GLG1: variants seen among roughly 807,000 people sequenced by gnomAD.
GLG1 encodes Golgi apparatus protein 1.
GLG1 carries 38 observed loss-of-function variants against 160.5 expected under a neutral mutation model. The observed-to-expected ratio is 0.24, with a 90% CI of 0.18 to 0.31. The LOEUF (loss-of-function observed/expected upper bound fraction) is 0.31, where lower values mean the gene tolerates loss of function less well. Among genes scored for constraint, GLG1 ranks in the 10% least tolerant of loss-of-function variants. GLG1 has a pLI of 1.00. For synonymous variants in GLG1, 644 were observed against 543.4 expected, an observed-to-expected ratio of 1.19 and a Z score of -2.57; for missense variants, 1,373 against 1,505.2, an observed-to-expected ratio of 0.91 and a Z score of 1.45.
At chr16:74,583,965 T>C (rs1957992353) in intron 1 of GLG1, among the ~76,000 whole-genome samples, 1 of 152,136 alleles carries the variant, frequency 6.6e-6, no homozygotes, top group African/African-American at 2.4e-5. Context: ...TGTAAATTTT[T>C]CCTAGGTAAG....
intron 2 of GLG1, among the ~76,000 whole-genome samples, chr16:74,509,419 G>A (rs2143494210): frequency 6.6e-6 from 1 of 152,130 alleles, no homozygotes; most frequent in South Asian, 2.1e-4. Context: ...GAACCAAAAA[G>A]TCTAATCCAG....
At chr16:74,594,469 T>G (rs1489945788) in intron 1 of GLG1, among the ~76,000 whole-genome samples, 1 of 152,200 alleles carries the variant, frequency 6.6e-6, no homozygotes, top group Admixed American at 6.5e-5. Context: ...AGTCATTGTT[T>G]TTAGATTCCA....
chr16:74,535,552 C>CA (rs2017665416), intron 1 of GLG1, among the ~76,000 whole-genome samples: 1 of 152,172 alleles, frequency 6.6e-6, no homozygotes, highest in Non-Finnish European at 1.5e-5. Context: ...CCTGCCTCAG[C>CA]CTCCCTAGTA....
intron 1 of GLG1, among the ~76,000 whole-genome samples, chr16:74,553,725 G>A (rs547147352): frequency 5.9e-5 from 9 of 152,080 alleles, no homozygotes; most frequent in Admixed American, 2.0e-4. Flanking sequence ...CACCCGCCTC[G>A]GCCTCCCAAA....
chr16:74,512,051 T>A (rs943830682), intron 2 of GLG1, among the ~76,000 whole-genome samples: 2 of 152,094 alleles, frequency 1.3e-5, no homozygotes, highest in African/African-American at 4.8e-5. Context: ...CATTGCCTAA[T>A]TATAGAACAT....
intron 3 of GLG1, among the ~76,000 whole-genome samples, chr16:74,508,313 C>CAAAA (rs35839355): frequency 1.9e-5 from 2 of 106,220 alleles, no homozygotes; most frequent in South Asian, 2.6e-4. Context: ...ATTATTGATT[C>CAAAA]AAAAAAAAAA....
At chr16:74,522,071 T>A (rs1330485760) in intron 2 of GLG1, among the ~76,000 whole-genome samples, 16 of 152,222 alleles carry the variant, frequency 1.1e-4, no homozygotes, top group Admixed American at 1.0e-3. Context: ...CCAATCAGGG[T>A]CATTTTAATT....
intron 2 of GLG1, among the ~76,000 whole-genome samples, chr16:74,525,071 T>C (rs1406558863): frequency 6.6e-6 from 1 of 152,222 alleles, no homozygotes; most frequent in Non-Finnish European, 1.5e-5. Flanking sequence ...TTGGGCTGTT[T>C]CCATTTTTGA....
At chr16:74,560,223 A>C (rs1247791227) in intron 1 of GLG1, among the ~76,000 whole-genome samples, 1 of 152,030 alleles carries the variant, frequency 6.6e-6, no homozygotes, top group Non-Finnish European at 1.5e-5. Flanking sequence ...CATCAGTTGA[A>C]GGTCTGAATA....
intron 1 of GLG1, among the ~76,000 whole-genome samples, chr16:74,533,319 T>C (rs553527036): frequency 6.6e-6 from 1 of 152,218 alleles, no homozygotes; most frequent in African/African-American, 2.4e-5. Flanking sequence ...AGACTCCGTC[T>C]CAAAAAACAA....
In GLG1 at chr16:74,462,204, G is replaced by C. The variant is rs202133418; in HGVS notation, c.2935-9C>G. 6.5e-5 allele frequency: 96 copies of C among 1,466,624 alleles called. 1 individual carries two copies. In the East Asian group the frequency reaches 2.2e-3, roughly 33 times the overall value. 90.9% of individuals were successfully genotyped at this position (1,466,624 alleles called of 1,614,324 possible). ...CAGTCTGAAGACAGGCGCTGCATGTGACAAAGGGAGGATACATGGGCTGAT... is the reference window on the plus strand; with the variant it reads ...CAGTCTGAAGACAGGCGCTGCATGTCACAAAGGGAGGATACATGGGCTGAT... On this transcript the variant is annotated splice_polypyrimidine_tract_variant and intron_variant, in intron 21 of 25. Transcript: ENST00000422840.
intron 2 of GLG1, among the ~76,000 whole-genome samples, chr16:74,510,514 A>G (rs1323540315): frequency 2.0e-5 from 3 of 152,236 alleles, no homozygotes; most frequent in Non-Finnish European, 4.4e-5. Flanking sequence ...TTGGTGAGAT[A>G]GAGCAGAGAC....
Position 74,480,317 on chromosome 16 carries a change from C to T in GLG1, c.1751G>A (p.Ser584Asn). The change falls in exon 11 of 26, where the codon AGT becomes AAT. Residue 584 changes from serine to asparagine, a missense_variant. Physicochemically the swap from Ser to Asn is conservative, Grantham distance 46 (BLOSUM62 1). Around this residue, in one of 4 missense-constraint regions of GLG1, gnomAD observed 386 missense variants for 388.5 expected, o/e 0.99. Transcript: ENST00000422840. ...LCHTHGWNET[S>N]EFMPQGAVFS... ...CACAGCTCCCTGAGGCATAAATTCACTGGTCTCATTCCAACCGTGGGTGTG... is the reference window on the plus strand; with the variant it reads ...CACAGCTCCCTGAGGCATAAATTCATTGGTCTCATTCCAACCGTGGGTGTG... The T allele has an allele frequency of 6.2e-7, 1 of 1,613,310 alleles. No homozygotes were observed. Among genetic ancestry groups the T allele is most frequent in the South Asian group, 1.1e-5 (1 of 91,068 alleles).
At position 74,503,612 on chromosome 16, in the gene GLG1, G is replaced by C; in HGVS notation, c.693C>G (p.Tyr231Ter). The change falls in exon 4 of 26, where the codon TAC becomes TAG. Residue 231 changes from tyrosine (Y) to a stop codon, truncating the protein, a stop_gained. Coordinates refer to ENST00000422840, the MANE Select transcript of GLG1 (RefSeq NM_001145667.2). LOFTEE classifies it high-confidence loss of function. ...TKMTAIIFSD[Y>*]RLICGFMDDC... is the part of the protein sequence containing the mutation. ...CATCCATGAAGCCACAGATTAAACG[G>C]TAATCACTAAAAATGATGGCCGTCA... 1 of 1,613,510 alleles carries C rather than the reference G, an allele frequency of 6.2e-7. No individual in the cohort carries two copies. The highest frequency in any genetic ancestry group is 8.5e-7 in the Non-Finnish European group (1 of 1,179,474).
intron 1 of GLG1, among the ~76,000 whole-genome samples, chr16:74,584,548 G>A (rs906526008): frequency 1.3e-5 from 2 of 152,110 alleles, no homozygotes; most frequent in Non-Finnish European, 2.9e-5. Context: ...GCTATGAAGA[G>A]GCAAAGGCAT....
intron 1 of GLG1, among the ~76,000 whole-genome samples, chr16:74,566,422 C>T (rs2018655983): frequency 6.6e-6 from 1 of 152,198 alleles, no homozygotes; most frequent in Non-Finnish European, 1.5e-5. Flanking sequence ...AGGGAGTAAC[C>T]CCCACATACC....
At position 74,452,084 on chromosome 16, in the gene GLG1, G is replaced by T. The variant is rs778823590; in HGVS notation, c.*1083C>A. On this transcript the variant is annotated 3_prime_UTR_variant, in exon 26 of 26. Coordinates refer to ENST00000422840, the MANE Select transcript of GLG1 (RefSeq NM_001145667.2). ...GGCTGGACTGCCTGTCACATCCTGA[G>T]ACCACACTAAACCTTTATAAGCCAT... 6.2e-7 allele frequency: 1 copy of T among 1,613,918 alleles called. No individual in the cohort carries two copies. The highest frequency in any genetic ancestry group is 8.5e-7 in the Non-Finnish European group (1 of 1,179,828).
At position 74,606,782 on chromosome 16, in the gene GLG1, C is replaced by T; in HGVS notation, c.313G>A (p.Gly105Arg). ...GGPPARRGGA[G>R]AGGGWKLAEE... The stretch of plus-strand genomic sequence containing the variant: ...GCCAGCTTCCAGCCCCCACCAGCCC[C>T]CGCTCCTCCCCGCCGGGCCGGAGGC... The change falls in exon 1 of 26, where the codon GGG (glycine) becomes AGG (arginine). Residue 105 changes from glycine to arginine, a missense_variant. Coordinates refer to ENST00000422840, the MANE Select transcript of GLG1 (RefSeq NM_001145667.2). 5 of 1,605,918 alleles carry T rather than the reference C, an allele frequency of 3.1e-6. No individual in the cohort carries two copies. Among genetic ancestry groups the T allele is most frequent in the Non-Finnish European group, 4.3e-6 (5 of 1,176,308 alleles).
intron 19 of GLG1, among the ~76,000 whole-genome samples, chr16:74,464,485 C>G (rs991329758): frequency 6.6e-6 from 1 of 152,242 alleles, no homozygotes; most frequent in Non-Finnish European, 1.5e-5. Flanking sequence ...TGCTAATCCG[C>G]AAGTCTTCAA....
Sources: gnomAD v4.1 joint callset for allele counts (sites outside exome capture counted in the v4.1 genomes callset) on GRCh38, gnomAD v4.1.1 for gene constraint, gnomAD v4.1.1 regional missense constraint, MANE v1.5 for transcripts, NCBI Gene and HGNC (gene_info 2026-07-23, HGNC 2026-07-21) for gene names.